STARD13: variants seen among roughly 807,000 people sequenced by gnomAD.
STARD13 encodes StAR related lipid transfer domain containing 13.
In STARD13, 62 loss-of-function variants were observed where a neutral mutation model predicts 106.4. The ratio of observed to expected loss-of-function variants is 0.58; its 90% CI spans 0.48 to 0.72. The LOEUF is 0.72. STARD13 is among the 30% of genes least tolerant of loss of function. The pLI, the probability that STARD13 is intolerant of heterozygous loss-of-function variation, is 0.00. For missense variants in STARD13, 1,387 were observed against 1,424.0 expected, an observed-to-expected ratio of 0.97 and a Z score of 0.42; for synonymous variants, 565 against 553.0, an observed-to-expected ratio of 1.02 and a Z score of -0.31.
In STARD13 at chr13:33,189,783, C is replaced by T. The variant is rs117799097; in HGVS notation, c.170-22161G>A. Among the ~76,000 whole-genome samples, 617 of 151,930 alleles carry T rather than the reference C, an allele frequency of 4.1e-3. 20 individuals carry two copies. The East Asian group carries it at 0.051, about 13-fold the overall frequency. On this transcript the variant is annotated intron_variant, in intron 1 of 13. Transcript: ENST00000336934. ...TCATGTACAAAATGGTCCTCTGCCC[C>T]GTGTCCTCCCTGTGTTCATCCTTGC...
chr13:33,633,428 A>G, the STARD13 span, among the ~76,000 whole-genome samples: 133 of 152,356 alleles, frequency 8.7e-4, no homozygotes, highest in Non-Finnish European at 1.6e-3. Flanking sequence ...CTCTAAAGAT[A>G]TACATATATA....
At chr13:33,439,672 T>C in the STARD13 span, 1 of 1,249,264 alleles carries the variant, frequency 8.0e-7, no homozygotes, top group Non-Finnish European at 1.0e-6. Flanking sequence ...CAGGAAAACA[T>C]TTTCTCAGGG....
chr13:33,626,971 T>C, the STARD13 span, among the ~76,000 whole-genome samples: 1 of 152,176 alleles, frequency 6.6e-6, no homozygotes, highest in South Asian at 2.1e-4. Context: ...CCATAAAACT[T>C]AGAATAGTAT....
chr13:33,395,894 T>C, the STARD13 span, among the ~76,000 whole-genome samples: 10 of 152,108 alleles, frequency 6.6e-5, no homozygotes, highest in African/African-American at 2.4e-4. Flanking sequence ...TAGGCTGGAG[T>C]GTAATGGTGC....
chr13:33,390,127 C>T, the STARD13 span, among the ~76,000 whole-genome samples: 1 of 151,942 alleles, frequency 6.6e-6, no homozygotes, highest in Non-Finnish European at 1.5e-5. Context: ...GTAAAACACC[C>T]AGAAAATTCA....
chr13:33,225,754 A>T (rs1053659119), intron 1 of STARD13, among the ~76,000 whole-genome samples: 4 of 133,474 alleles, frequency 3.0e-5, no homozygotes, highest in Non-Finnish European at 6.3e-5. Flanking sequence ...TTCCTTAATT[A>T]AAAAAAAAAC....
intron 1 of STARD13, among the ~76,000 whole-genome samples, chr13:33,209,365 C>T (rs1282991048): frequency 6.6e-6 from 1 of 152,176 alleles, no homozygotes; most frequent in African/African-American, 2.4e-5. Context: ...CAAACAGCAA[C>T]ACTACCCATA....
chr13:33,279,502 A>G (rs1404732272), intron 1 of STARD13: 1 of 152,232 alleles, frequency 6.6e-6, no homozygotes, highest in Non-Finnish European at 1.5e-5. Flanking sequence ...TCTGCATCTG[A>G]ACAACAGAAG....
chr13:33,266,582 A>G (rs1347700390), intron 1 of STARD13, among the ~76,000 whole-genome samples: 2 of 152,176 alleles, frequency 1.3e-5, no homozygotes, highest in East Asian at 3.9e-4. Flanking sequence ...TGCTCAAGTC[A>G]TACTTTTCCA....
At chr13:33,431,940 C>A in the STARD13 span, among the ~76,000 whole-genome samples, 1 of 152,138 alleles carries the variant, frequency 6.6e-6, no homozygotes, top group African/African-American at 2.4e-5. Flanking sequence ...TGGCACTCTG[C>A]TTAGGGATCA....
At chr13:33,373,753 A>G in the STARD13 span, among the ~76,000 whole-genome samples, 3 of 150,288 alleles carry the variant, frequency 2.0e-5, no homozygotes, top group East Asian at 3.9e-4. Context: ...TCTCAGACCT[A>G]TACCATTAGG....
the STARD13 span, among the ~76,000 whole-genome samples, chr13:33,577,796 T>C: frequency 6.6e-6 from 1 of 152,156 alleles, no homozygotes; most frequent in African/African-American, 2.4e-5. Context: ...TGGGTAACCT[T>C]GGGTTTGATG....
At chr13:33,600,272 C>T in the STARD13 span, among the ~76,000 whole-genome samples, 1 of 152,158 alleles carries the variant, frequency 6.6e-6, no homozygotes, top group Non-Finnish European at 1.5e-5. Context: ...AAAACAACAA[C>T]AGCAGAAAGC....
At chr13:33,169,211 C>A (rs1026199271) in intron 1 of STARD13, among the ~76,000 whole-genome samples, 2 of 152,230 alleles carry the variant, frequency 1.3e-5, no homozygotes, top group Non-Finnish European at 2.9e-5. Context: ...AGTTCCACAA[C>A]TGCTGTTCAA....
At chr13:33,353,527 A>G (rs188417718), upstream of STARD13, among the ~76,000 whole-genome samples, 94 of 152,256 alleles carry the variant, frequency 6.2e-4, 1 homozygote, top group African/African-American at 2.1e-3. Context: ...GATAGAAAGT[A>G]TATGTGGTTA....
chr13:33,187,676 A>T (rs1397136882), intron 1 of STARD13, among the ~76,000 whole-genome samples: 1 of 152,058 alleles, frequency 6.6e-6, no homozygotes, highest in Non-Finnish European at 1.5e-5. Flanking sequence ...TTTAAAAGAA[A>T]AAAATTTATT....
chr13:33,515,209 C>A, the STARD13 span, among the ~76,000 whole-genome samples: 10 of 152,134 alleles, frequency 6.6e-5, no homozygotes, highest in Admixed American at 6.6e-4. Flanking sequence ...TGTGAGAAAA[C>A]CCTTTACTCT....
At chr13:33,621,870 T>A in the STARD13 span, among the ~76,000 whole-genome samples, 14 of 150,992 alleles carry the variant, frequency 9.3e-5, no homozygotes, top group Admixed American at 8.6e-4. Flanking sequence ...AGGGGCATGA[T>A]CATGGCTCAC....
At chr13:33,182,739 C>G (rs1645431979) in intron 1 of STARD13, among the ~76,000 whole-genome samples, 1 of 152,240 alleles carries the variant, frequency 6.6e-6, no homozygotes, top group Non-Finnish European at 1.5e-5. Flanking sequence ...TTGTCTAAAC[C>G]AGGACTTCTG....
Sources: gnomAD v4.1 joint callset for allele counts (sites outside exome capture counted in the v4.1 genomes callset) on GRCh38, gnomAD v4.1.1 for gene constraint, MANE v1.5 for transcripts, NCBI Gene and HGNC (gene_info 2026-07-23, HGNC 2026-07-21) for gene names.